Variants in GPM6A observed in about 807,000 individuals in gnomAD.
GPM6A encodes neuronal membrane glycoprotein M6-a.
Under a neutral mutation model 32.1 loss-of-function variants are expected in GPM6A, and 7 were observed. That is an observed-to-expected ratio of 0.22 (90% CI 0.12 to 0.41). GPM6A has a LOEUF of 0.41. Ranked by LOEUF, GPM6A falls within the 10% of genes least tolerant of loss-of-function variation. The pLI is 1.00. For missense variants in GPM6A, 235 were observed against 347.2 expected (o/e 0.68, Z 2.57); for synonymous variants, 130 against 123.4 (o/e 1.05, Z -0.35).
chr4:175,965,353 A>G (rs758744009), intron 1 of GPM6A, among the ~76,000 whole-genome samples: 32 of 152,200 alleles, frequency 2.1e-4, no homozygotes, highest in Non-Finnish European at 3.2e-4. Flanking sequence ...TAGAAAATTC[A>G]ATCATTTAAG....
At chr4:175,992,264 T>A (rs565981011) in intron 1 of GPM6A, among the ~76,000 whole-genome samples, 1 of 152,170 alleles carries the variant, frequency 6.6e-6, no homozygotes, top group Non-Finnish European at 1.5e-5. Flanking sequence ...TTCCTGGTAA[T>A]ATTGTATATT....
chr4:175,790,517 G>A (rs1235613374), intron 1 of GPM6A: 2 of 152,086 alleles, frequency 1.3e-5, no homozygotes, highest in African/African-American at 4.8e-5. Flanking sequence ...CTTTATGAGT[G>A]TATTTTCTAT....
At chr4:175,701,811 T>A in intron 1 of GPM6A, 44 bp from the exon 2 acceptor site, 1 of 1,433,770 alleles carries the variant, frequency 7.0e-7, no homozygotes, top group Non-Finnish European at 9.6e-7. Context: ...TTTGTTAACC[T>A]AATTTAATTT....
At chr4:175,771,493 C>A (rs902526593) in intron 1 of GPM6A, among the ~76,000 whole-genome samples, 1 of 149,502 alleles carries the variant, frequency 6.7e-6, no homozygotes, top group Admixed American at 6.7e-5. Flanking sequence ...ATCACTTGAA[C>A]CTGGGAGGCA....
At chr4:175,880,071 C>T (rs6835275) in intron 1 of GPM6A, among the ~76,000 whole-genome samples, 11,451 of 152,078 alleles carry the variant, frequency 0.075, 1,340 homozygotes, top group African/African-American at 0.25. Flanking sequence ...GTATAAGGTA[C>T]AAGGAAGGGA....
chr4:175,909,684 T>A (rs556536050), intron 1 of GPM6A, among the ~76,000 whole-genome samples: 1 of 152,254 alleles, frequency 6.6e-6, no homozygotes, highest in Admixed American at 6.5e-5. Flanking sequence ...GAGAATTCAA[T>A]TTAAGCTACA....
intron 1 of GPM6A, among the ~76,000 whole-genome samples, chr4:175,959,009 A>G (rs1315603443): frequency 6.6e-6 from 1 of 152,208 alleles, no homozygotes; most frequent in African/African-American, 2.4e-5. Context: ...GTTTTTTTAA[A>G]AAACAGTTTC....
intron 1 of GPM6A, among the ~76,000 whole-genome samples, chr4:175,785,835 G>T (rs1733776367): frequency 6.6e-6 from 1 of 152,114 alleles, no homozygotes; most frequent in African/African-American, 2.4e-5. Flanking sequence ...CAGAACACGT[G>T]CCACAAGCCA....
chr4:175,967,319 TACACTTAATATC>T (rs1740362144), intron 1 of GPM6A, among the ~76,000 whole-genome samples: 1 of 152,196 alleles, frequency 6.6e-6, no homozygotes, highest in Admixed American at 6.5e-5. Context: ...AAGAAAAATC[TACACTTAATATC>T]ACACTTAATG....
chr4:175,812,048 T>C, intron 1 of GPM6A, 143 bp downstream of exon 1: 1 of 607,738 alleles, frequency 1.6e-6, no homozygotes, highest in Non-Finnish European at 2.9e-6. Flanking sequence ...TTACTGCAAG[T>C]GAGGAACAGA....
chr4:175,715,536 T>A (rs1204414495), intron 1 of GPM6A, among the ~76,000 whole-genome samples: 3 of 152,272 alleles, frequency 2.0e-5, no homozygotes, highest in African/African-American at 7.2e-5. Context: ...CAGCTCAGAT[T>A]CAGCTGGGAG....
chr4:175,724,556 T>A (rs1746308539), intron 1 of GPM6A, among the ~76,000 whole-genome samples: 2 of 151,898 alleles, frequency 1.3e-5, no homozygotes, highest in Non-Finnish European at 2.9e-5. Context: ...AAAAAAAAAT[T>A]TTTTTTAACT....
At chr4:175,882,756 A>G (rs1189732427) in intron 1 of GPM6A, among the ~76,000 whole-genome samples, 2 of 152,128 alleles carry the variant, frequency 1.3e-5, no homozygotes, top group African/African-American at 4.8e-5. Flanking sequence ...AATCTTTCAA[A>G]CAAAAATATT....
chr4:175,972,592 G>T (rs976999108), intron 1 of GPM6A, among the ~76,000 whole-genome samples: 10 of 152,128 alleles, frequency 6.6e-5, no homozygotes, highest in African/African-American at 2.4e-4. Flanking sequence ...ACGGTGCTAG[G>T]ATCTTCATAT....
intron 1 of GPM6A, among the ~76,000 whole-genome samples, chr4:175,738,484 G>A (rs1432462531): frequency 6.6e-6 from 1 of 151,906 alleles, no homozygotes; most frequent in Non-Finnish European, 1.5e-5. Flanking sequence ...TCCCAAGCAA[G>A]CTAAATACAA....
At chr4:175,885,178 GA>G (rs1737412388) in intron 1 of GPM6A, among the ~76,000 whole-genome samples, 1 of 152,172 alleles carries the variant, frequency 6.6e-6, no homozygotes, top group African/African-American at 2.4e-5. Flanking sequence ...ACCATGGAGT[GA>G]AATACTACAA....
At chr4:175,985,044 CCTT>C (rs1330768027) in intron 1 of GPM6A, among the ~76,000 whole-genome samples, 152 of 152,278 alleles carry the variant, frequency 1.0e-3, no homozygotes, top group African/African-American at 3.3e-3. Flanking sequence ...AATTCTCCCA[CCTT>C]CTTTTTCTTT....
chr4:175,904,430 GTATACATATACACACACATATA>G (rs1738064622), intron 1 of GPM6A, among the ~76,000 whole-genome samples: 1 of 152,070 alleles, frequency 6.6e-6, no homozygotes, highest in South Asian at 2.1e-4. Flanking sequence ...ACATACATAT[GTATACATATACACACACATATA>G]TATACACACA....
chr4:175,946,269 A>C (rs1187040841), intron 1 of GPM6A, among the ~76,000 whole-genome samples: 1 of 152,242 alleles, frequency 6.6e-6, no homozygotes, highest in Non-Finnish European at 1.5e-5. Context: ...GTGTTTCAGG[A>C]AAATTTTTAA....
Sources: allele counts gnomAD v4.1 joint callset (sites outside exome capture counted in the v4.1 genomes callset), GRCh38; gene constraint gnomAD v4.1.1; transcripts MANE v1.5; gene names NCBI Gene and HGNC (gene_info 2026-07-23, HGNC 2026-07-21).